Variants in ASAP2 observed in about 807,000 individuals in gnomAD.
ASAP2 encodes ArfGAP with SH3 domain, ankyrin repeat and PH domain 2, also known as arf-GAP with SH3 domain, ANK repeat and PH domain-containing protein 2.
A neutral mutation model predicts 131.4 loss-of-function variants in ASAP2; 45 were observed. That is an observed-to-expected ratio of 0.34 (90% CI 0.27 to 0.44). The LOEUF is 0.44. ASAP2 is among the 20% of genes least tolerant of loss of function. The pLI is 1.00. For missense variants in ASAP2, 1,011 were observed against 1,297.0 expected (o/e 0.78, Z 3.39); for synonymous variants, 510 against 503.0 (o/e 1.01, Z -0.19).
At chr2:9,339,323 G>T (rs998078182) in intron 9 of ASAP2, among the ~76,000 whole-genome samples, 1 of 152,042 alleles carries the variant, frequency 6.6e-6, no homozygotes, top group African/African-American at 2.4e-5. Flanking sequence ...CTTGGCATTT[G>T]AATCCTGGGT....
chr2:9,253,896 T>C (rs765614504), intron 1 of ASAP2, among the ~76,000 whole-genome samples: 2 of 151,986 alleles, frequency 1.3e-5, no homozygotes, highest in Non-Finnish European at 2.9e-5. Context: ...AGAGACCACA[T>C]TCACATAACT....
chr2:9,283,943 G>A (rs1439490166), intron 2 of ASAP2, among the ~76,000 whole-genome samples: 1 of 152,126 alleles, frequency 6.6e-6, no homozygotes, highest in Non-Finnish European at 1.5e-5. Context: ...CCATTGCCTT[G>A]GGGATTAGGG....
chr2:9,328,586 T>C (rs1339238480), intron 7 of ASAP2, among the ~76,000 whole-genome samples: 3 of 152,216 alleles, frequency 2.0e-5, no homozygotes, highest in Non-Finnish European at 2.9e-5. Flanking sequence ...AGGAAGATGT[T>C]AGTAGAGGAG....
chr2:9,219,485 T>C (rs750744169), intron 1 of ASAP2, among the ~76,000 whole-genome samples: 3 of 152,232 alleles, frequency 2.0e-5, no homozygotes, highest in Non-Finnish European at 4.4e-5. Context: ...CATAGTTCTT[T>C]GTATTCATAT....
intron 15 of ASAP2, among the ~76,000 whole-genome samples, chr2:9,367,140 C>T (rs1410633942): frequency 2.6e-5 from 4 of 151,150 alleles, no homozygotes; most frequent in Admixed American, 1.3e-4. Context: ...AAGCAATTCT[C>T]CTGTCTCAGC....
At chr2:9,291,881 A>G (rs1386535281) in intron 2 of ASAP2, among the ~76,000 whole-genome samples, 2 of 151,910 alleles carry the variant, frequency 1.3e-5, no homozygotes, top group African/African-American at 4.8e-5. Context: ...ACTTGACTGG[A>G]AGGTTGTACA....
intron 24 of ASAP2, among the ~76,000 whole-genome samples, chr2:9,398,006 C>T (rs1423620659): frequency 6.6e-6 from 1 of 151,406 alleles, no homozygotes; most frequent in South Asian, 2.1e-4. Flanking sequence ...GATCCGCCCG[C>T]CTCGGCCTCC....
rs116252778 is a variant in ASAP2, at chr2:9,256,387, A to T, written c.127-22930A>T. On this transcript the variant is annotated intron_variant, in intron 1 of 27. Coordinates refer to ENST00000281419, the MANE Select transcript of ASAP2 (RefSeq NM_003887.3). ...GGCAAAGCGGCAGTGTCAACTGTAC[A>T]TAAAGAAATTAGCGTTTAACATGCT... is the stretch of plus-strand genomic sequence containing the variant. Among the ~76,000 whole-genome samples the T allele has an allele frequency of 5.9e-3, 839 of 142,678 alleles. 7 individuals are homozygous for T. Among genetic ancestry groups the T allele is most frequent in the African/African-American group, 0.022 (801 of 36,316 alleles). The allele number at this position is 142,678 out of a possible 152,430, so 93.6% of individuals were successfully genotyped here. A position where few individuals can be genotyped will look rare whatever the true frequency, so the allele number is the denominator to read the frequency against.
At chr2:9,371,127 T>C (rs1673917760) in intron 16 of ASAP2, among the ~76,000 whole-genome samples, 1 of 152,246 alleles carries the variant, frequency 6.6e-6, no homozygotes, top group African/African-American at 2.4e-5. Flanking sequence ...CTGTCTGCAC[T>C]GTAGCCCTCC....
At chr2:9,236,882 G>A (rs1488047912) in intron 1 of ASAP2, among the ~76,000 whole-genome samples, 1 of 152,042 alleles carries the variant, frequency 6.6e-6, no homozygotes, top group African/African-American at 2.4e-5. Flanking sequence ...TCTTTTTTGA[G>A]TGAATGGGAC....
intron 24 of ASAP2, chr2:9,398,811 A>AC (rs1255614913): frequency 6.6e-6 from 1 of 151,176 alleles, no homozygotes; most frequent in Admixed American, 6.6e-5. Context: ...TCCATCTCAA[A>AC]AAAAAAAAAA....
intron 20 of ASAP2, among the ~76,000 whole-genome samples, chr2:9,382,495 G>T (rs991862282): frequency 2.4e-4 from 36 of 152,320 alleles, no homozygotes; most frequent in African/African-American, 8.4e-4. Flanking sequence ...AACGGAACTA[G>T]CTATCTACCT....
chr2:9,237,397 C>T (rs1663627527), intron 1 of ASAP2, among the ~76,000 whole-genome samples: 1 of 150,558 alleles, frequency 6.6e-6, no homozygotes, highest in Admixed American at 6.6e-5. Context: ...TAGGAAGCAC[C>T]CACTGGGTCT....
In ASAP2 at chr2:9,230,054, G is replaced by A. The variant is rs558392303; in HGVS notation, c.126+22824G>A. Reference sequence around the variant, plus strand: ...CATGAATTCTGCAAGAAGAGATGATGATGTTTGCTTCTTTTACATACTGCA... The same window carrying A: ...CATGAATTCTGCAAGAAGAGATGATAATGTTTGCTTCTTTTACATACTGCA... On this transcript the variant is annotated intron_variant, in intron 1 of 27. Transcript: ENST00000281419. Among the ~76,000 whole-genome samples, 11 of 152,316 alleles carry A rather than the reference G, an allele frequency of 7.2e-5. No individual in the cohort carries two copies. The South Asian group carries it at 2.3e-3, about 32-fold the overall frequency.
chr2:9,404,929 TTC>T lies in ASAP2; in HGVS notation c.*1604_*1605del, dbSNP rs1426059368. On this transcript the variant is annotated 3_prime_UTR_variant, in exon 28 of 28. Transcript: ENST00000281419. ...ACATCTGTTTTCACTAATTGTTAATTTCTGTTTGAACCCTTCATTTAATTTTC... is the reference window on the plus strand; with the variant it reads ...ACATCTGTTTTCACTAATTGTTAATTTGTTTGAACCCTTCATTTAATTTTC... 5 of 152,716 alleles carry T rather than the reference TTC, an allele frequency of 3.3e-5. No homozygotes were observed. The highest frequency in any genetic ancestry group is 2.1e-4 in the South Asian group (1 of 4,830). 9.5% of individuals were successfully genotyped at this position (152,716 alleles called of 1,614,324 possible).
intron 11 of ASAP2, among the ~76,000 whole-genome samples, chr2:9,349,909 G>A (rs144234685): frequency 1.3e-5 from 2 of 152,232 alleles, no homozygotes; most frequent in African/African-American, 2.4e-5. Flanking sequence ...TGAAGTGACC[G>A]GTGGCCAAGG....
intron 3 of ASAP2, among the ~76,000 whole-genome samples, chr2:9,297,950 C>T (rs187977166): frequency 1.2e-4 from 18 of 152,246 alleles, no homozygotes; most frequent in East Asian, 1.2e-3. Context: ...GGTTTTCAGC[C>T]GTGGGAATGC....
chr2:9,304,685 G>C (rs1213249184), intron 3 of ASAP2, among the ~76,000 whole-genome samples: 10 of 143,002 alleles, frequency 7.0e-5, no homozygotes, highest in South Asian at 2.3e-4. Flanking sequence ...GGTGGAGGGG[G>C]TGTAATAGTG....
chr2:9,374,736 CA>C lies in ASAP2; in HGVS notation c.1557-17del. On this transcript the variant is annotated intron_variant, in intron 16 of 27. Coordinates refer to ENST00000281419, the MANE Select transcript of ASAP2 (RefSeq NM_003887.3). Reference sequence around the variant, plus strand: ...TAGAAGCCCTTCATGATTTGCAAGGCAATTACGTTTGGTTTCAGGAATGCAA... The same window carrying C: ...TAGAAGCCCTTCATGATTTGCAAGGCATTACGTTTGGTTTCAGGAATGCAA... The C allele has an allele frequency of 1.3e-6, 2 of 1,573,902 alleles. No individual in the cohort carries two copies. Among genetic ancestry groups the C allele is most frequent in the Non-Finnish European group, 1.7e-6 (2 of 1,160,632 alleles).
Sources: gnomAD v4.1 joint callset for allele counts (sites outside exome capture counted in the v4.1 genomes callset) on GRCh38, gnomAD v4.1.1 for gene constraint, MANE v1.5 for transcripts, NCBI Gene and HGNC (gene_info 2026-07-23, HGNC 2026-07-21) for gene names.